Variants in ABI1 observed in about 807,000 individuals in gnomAD.
ABI1 encodes the protein abl interactor 1, also known as Abelson interactor 1.
In ABI1, 14 loss-of-function variants were observed where a neutral mutation model predicts 54.6. The observed-to-expected ratio is 0.26, with a 90% CI of 0.17 to 0.40. The LOEUF (loss-of-function observed/expected upper bound fraction) is 0.40, where lower values mean the gene tolerates loss of function less well. ABI1 is among the 10% of genes least tolerant of loss of function. The pLI is 1.00. For synonymous variants in ABI1, 194 were observed against 209.3 expected, an observed-to-expected ratio of 0.93 and a Z score of 0.63; for missense variants, 443 against 598.3, an observed-to-expected ratio of 0.74 and a Z score of 2.71.
chr10:26,816,012 A>T (rs2047539545), intron 2 of ABI1, among the ~76,000 whole-genome samples: 1 of 152,258 alleles, frequency 6.6e-6, no homozygotes, highest in African/African-American at 2.4e-5. Context: ...CATAAGTAAC[A>T]GATGAGCATC....
intron 10 of ABI1, among the ~76,000 whole-genome samples, chr10:26,750,552 G>A (rs1027538457): frequency 3.3e-5 from 5 of 152,042 alleles, no homozygotes; most frequent in African/African-American, 1.2e-4. Flanking sequence ...TCCAAAACTT[G>A]GGCAGGAAAG....
chr10:26,766,442 T>C (rs1366876468), intron 6 of ABI1, among the ~76,000 whole-genome samples: 2 of 152,222 alleles, frequency 1.3e-5, no homozygotes, highest in Non-Finnish European at 2.9e-5. Flanking sequence ...ATTTGCTCAA[T>C]AAGCCCAGAA....
chr10:26,775,661 T>C (rs1237291292), intron 3 of ABI1, among the ~76,000 whole-genome samples: 5 of 152,218 alleles, frequency 3.3e-5, no homozygotes, highest in Admixed American at 2.0e-4. Context: ...CCTTGTAAAA[T>C]TTGGATTCAT....
intron 7 of ABI1, 96 bp downstream of exon 7, chr10:26,765,122 A>T: frequency 1.2e-6 from 1 of 848,956 alleles, no homozygotes; most frequent in Non-Finnish European, 1.8e-6. Context: ...AAATTTAATT[A>T]ATAATTTTAC....
At chr10:26,829,551 CA>C (rs2048530197) in intron 1 of ABI1, among the ~76,000 whole-genome samples, 3 of 151,922 alleles carry the variant, frequency 2.0e-5, no homozygotes, top group African/African-American at 4.8e-5. Flanking sequence ...ATGCACATTT[CA>C]AAAAATATTG....
chr10:26,821,894 T>TA (rs1333158869), intron 2 of ABI1, among the ~76,000 whole-genome samples: 1 of 150,454 alleles, frequency 6.6e-6, no homozygotes, highest in Middle Eastern at 3.2e-3. Flanking sequence ...CCTAGAAAGA[T>TA]AAAAAGCTCA....
At chr10:26,770,616 G>A in intron 4 of ABI1, 1 of 633,350 alleles carries the variant, frequency 1.6e-6, no homozygotes, top group Non-Finnish European at 2.9e-6. Context: ...TGTTCACTGA[G>A]ATCAAACTTA....
chr10:26,764,043 C>T lies in ABI1; in HGVS notation c.820+1175G>A, dbSNP rs1313972368. 8 of 1,081,184 alleles carry T rather than the reference C, an allele frequency of 7.4e-6. No homozygotes were observed. In the East Asian group the frequency reaches 1.0e-4, roughly 14 times the overall value. The allele number at this position is 1,081,184 out of a possible 1,614,324, so 67.0% of individuals were successfully genotyped here. The stretch of plus-strand genomic sequence containing the variant: ...GAAACAGCAAGAAAGTACAATGTAT[C>T]GGGAAGAAAAAGAAAAAAGATACCC... On this transcript the variant is annotated intron_variant, in intron 7 of 10. Transcript: ENST00000376140.
intron 1 of ABI1, among the ~76,000 whole-genome samples, chr10:26,854,630 T>C (rs2050671589): frequency 1.3e-5 from 2 of 152,198 alleles, no homozygotes; most frequent in East Asian, 1.9e-4. Flanking sequence ...TTCTGTTAAA[T>C]ACATTTACAT....
rs1037067625 is a variant in ABI1, at chr10:26,748,099, A to G, written c.*471T>C. ...TGAATTTTTAAGTATATTTCAATAC[A>G]TAAATTTTTATGCATGCTTTAAACA... On this transcript the variant is annotated 3_prime_UTR_variant, in exon 11 of 11. Coordinates refer to ENST00000376140, the MANE Select transcript of ABI1 (RefSeq NM_001012750.3). The G allele has an allele frequency of 4.8e-5, 10 of 210,430 alleles. No homozygotes were observed. The highest frequency in any genetic ancestry group is 7.7e-5 in the Non-Finnish European group (8 of 103,766). The allele number at this position is 210,430 out of a possible 1,614,324, so 13.0% of individuals were successfully genotyped here.
At chr10:26,835,080 T>G (rs1415023469) in intron 1 of ABI1, among the ~76,000 whole-genome samples, 1 of 115,446 alleles carries the variant, frequency 8.7e-6, no homozygotes, top group African/African-American at 3.7e-5. Flanking sequence ...CTGAGCAAGA[T>G]TCTACCTCAA....
At chr10:26,799,901 G>A (rs1171484994) in intron 2 of ABI1, among the ~76,000 whole-genome samples, 4 of 150,900 alleles carry the variant, frequency 2.7e-5, no homozygotes, top group Non-Finnish European at 4.4e-5. Context: ...GGCATGCCAA[G>A]TTCTCTACAG....
At chr10:26,794,198 G>A (rs912059154) in intron 2 of ABI1, among the ~76,000 whole-genome samples, 12 of 151,898 alleles carry the variant, frequency 7.9e-5, no homozygotes, top group East Asian at 3.9e-4. Flanking sequence ...AGCCAAGATC[G>A]TGCCACTGTA....
chr10:26,805,385 C>A (rs766310993), intron 2 of ABI1, among the ~76,000 whole-genome samples: 2 of 149,230 alleles, frequency 1.3e-5, no homozygotes, highest in Non-Finnish European at 3.0e-5. Flanking sequence ...TGTTTATACT[C>A]AAGCTCAAGG....
chr10:26,843,742 G>A (rs2049767697), intron 1 of ABI1, among the ~76,000 whole-genome samples: 1 of 151,048 alleles, frequency 6.6e-6, no homozygotes, highest in African/African-American at 2.4e-5. Flanking sequence ...GGAGAGGTAG[G>A]ATGGGTGGAA....
chr10:26,825,812 G>C (rs2048272633), intron 1 of ABI1, among the ~76,000 whole-genome samples: 1 of 152,196 alleles, frequency 6.6e-6, no homozygotes, highest in African/African-American at 2.4e-5. Flanking sequence ...TCTATCTCAA[G>C]AAACTATTTC....
At chr10:26,767,617 T>A (rs1840117279) in intron 6 of ABI1, among the ~76,000 whole-genome samples, 1 of 152,068 alleles carries the variant, frequency 6.6e-6, no homozygotes, top group Admixed American at 6.6e-5. Flanking sequence ...CTGATCTGGG[T>A]GATGGTTATA....
rs574476457 is a variant in ABI1 at position 26,842,053 on chromosome 10, T to A, written c.117+18694A>T. ...TACCAATCCACACTCCCACCAACAG[T>A]GTACAAGGGGTCCATTTTCTCCACA... On this transcript the variant is annotated intron_variant, in intron 1 of 10. Transcript: ENST00000376140. Among the ~76,000 whole-genome samples, 467 of 152,298 alleles carry A rather than the reference T, an allele frequency of 3.1e-3. 3 individuals carry two copies. The highest frequency in any genetic ancestry group is 0.011 in the African/African-American group (445 of 41,568).
chr10:26,826,227 ATG>A (rs1216976491), intron 1 of ABI1, among the ~76,000 whole-genome samples: 6 of 152,230 alleles, frequency 3.9e-5, no homozygotes, highest in Non-Finnish European at 7.3e-5. Flanking sequence ...CAAAATAAGT[ATG>A]TGTTAGCAGG....
Sources: allele counts gnomAD v4.1 joint callset (sites outside exome capture counted in the v4.1 genomes callset), GRCh38; gene constraint gnomAD v4.1.1; transcripts MANE v1.5; gene names NCBI Gene and HGNC (gene_info 2026-07-23, HGNC 2026-07-21).